Variants in SCMH1 observed in about 807,000 individuals in gnomAD.
SCMH1 encodes the protein Scm polycomb group protein homolog 1.
Under a neutral mutation model 70.8 loss-of-function variants are expected in SCMH1, and 37 were observed. The ratio of observed to expected loss-of-function variants is 0.52; its 90% CI spans 0.40 to 0.69. The LOEUF (loss-of-function observed/expected upper bound fraction) is 0.69. Ranked by LOEUF, SCMH1 falls within the 30% of genes least tolerant of loss-of-function variation. The pLI, the probability that SCMH1 is intolerant of heterozygous loss-of-function variation, is 0.00. For synonymous variants in SCMH1, 292 were observed against 307.4 expected, an observed-to-expected ratio of 0.95 and a Z score of 0.52; for missense variants, 607 against 827.3, an observed-to-expected ratio of 0.73 and a Z score of 3.27.
chr1:41,126,120 C>G (rs959425215), intron 6 of SCMH1, among the ~76,000 whole-genome samples: 10 of 152,146 alleles, frequency 6.6e-5, no homozygotes, highest in African/African-American at 2.4e-4. Context: ...ATATTAGAAT[C>G]TTATTTATTC....
chr1:41,064,906 C>T (rs1022703874), intron 10 of SCMH1, among the ~76,000 whole-genome samples: 1 of 151,440 alleles, frequency 6.6e-6, no homozygotes, highest in Non-Finnish European at 1.5e-5. Context: ...CACAGCAAGA[C>T]CCTATTTCAA....
At chr1:41,213,638 T>C (rs1187416192) in intron 1 of SCMH1, among the ~76,000 whole-genome samples, 2 of 152,182 alleles carry the variant, frequency 1.3e-5, no homozygotes, top group African/African-American at 4.8e-5. Context: ...CATTAGATCA[T>C]ACCCGCTTTG....
intron 1 of SCMH1, among the ~76,000 whole-genome samples, chr1:41,225,806 C>T (rs1660168366): frequency 6.6e-6 from 1 of 152,160 alleles, no homozygotes; most frequent in Non-Finnish European, 1.5e-5. Context: ...GCAAACTGGG[C>T]TGCAATCAGA....
At chr1:41,241,272 CG>C (rs1330383509) in intron 1 of SCMH1, among the ~76,000 whole-genome samples, 1 of 152,226 alleles carries the variant, frequency 6.6e-6, no homozygotes, top group African/African-American at 2.4e-5. Context: ...GGAGATATTC[CG>C]GGGTTCACCC....
At chr1:41,041,025 G>A (rs1017582226) in intron 12 of SCMH1, among the ~76,000 whole-genome samples, 1 of 152,102 alleles carries the variant, frequency 6.6e-6, no homozygotes, top group African/African-American at 2.4e-5. Context: ...ACCCTCATGT[G>A]TTGGGCTAGA....
intron 2 of SCMH1, among the ~76,000 whole-genome samples, chr1:41,185,282 A>G (rs908469043): frequency 3.9e-5 from 6 of 152,206 alleles, no homozygotes; most frequent in East Asian, 3.8e-4. Flanking sequence ...AGAGAGTTAC[A>G]TAAGTGTGAT....
At position 41,157,615 on chromosome 1, in the gene SCMH1, G is replaced by C. The variant is rs1007692569; in HGVS notation, c.106+3260C>G. On this transcript the variant is annotated intron_variant, in intron 4 of 14. Transcript: ENST00000337495. ...CAGGCAGATATCCTGATATGAGAAA[G>C]GTCTGGATTTGGGAGGCTTCACAGA... Among the ~76,000 whole-genome samples, 54 of 152,188 alleles carry C rather than the reference G, an allele frequency of 3.5e-4. 1 individual carries two copies. Among genetic ancestry groups the C allele is most frequent in the Non-Finnish European group, 2.9e-5 (2 of 68,024 alleles).
At chr1:41,047,834 T>C (rs1453775664) in intron 11 of SCMH1, among the ~76,000 whole-genome samples, 2 of 152,254 alleles carry the variant, frequency 1.3e-5, no homozygotes, top group African/African-American at 4.8e-5. Flanking sequence ...GTTAGCTATG[T>C]ATATTCTTTC....
chr1:41,029,102 T>C (rs1166771103), intron 13 of SCMH1, among the ~76,000 whole-genome samples: 1 of 152,172 alleles, frequency 6.6e-6, no homozygotes, highest in East Asian at 1.9e-4. Context: ...GGTAGCCTGG[T>C]AAGATTAGAG....
At chr1:41,126,566 T>C (rs1673224286) in intron 6 of SCMH1, among the ~76,000 whole-genome samples, 2 of 152,168 alleles carry the variant, frequency 1.3e-5, no homozygotes, top group African/African-American at 2.4e-5. Context: ...CAAAAATAAA[T>C]TTAAAATGCA....
intron 4 of SCMH1, among the ~76,000 whole-genome samples, chr1:41,156,001 A>C (rs2148378858): frequency 6.6e-6 from 1 of 151,992 alleles, no homozygotes; most frequent in East Asian, 1.9e-4. Flanking sequence ...AAAAAAAAAA[A>C]AAAAAAGCTG....
intron 1 of SCMH1, among the ~76,000 whole-genome samples, chr1:41,204,652 ACCT>A (rs1459284631): frequency 6.6e-6 from 1 of 152,040 alleles, no homozygotes; most frequent in Non-Finnish European, 1.5e-5. Flanking sequence ...CTTAAATGTC[ACCT>A]CCTCAGAGAA....
chr1:41,171,495 C>T (rs990843033), intron 2 of SCMH1, among the ~76,000 whole-genome samples: 30 of 151,776 alleles, frequency 2.0e-4, no homozygotes, highest in African/African-American at 5.8e-4. Flanking sequence ...TATGGAATGG[C>T]CTTGTGGTAA....
intron 10 of SCMH1, among the ~76,000 whole-genome samples, chr1:41,060,378 G>A (rs1209081755): frequency 6.6e-6 from 1 of 151,678 alleles, no homozygotes; most frequent in Non-Finnish European, 1.5e-5. Context: ...CAAGAAGAGA[G>A]TGAAATATTT....
intron 9 of SCMH1, among the ~76,000 whole-genome samples, 154 bp from the exon 10 acceptor site, chr1:41,070,875 C>T (rs1329591713): frequency 1.3e-5 from 2 of 152,132 alleles, no homozygotes; most frequent in Non-Finnish European, 2.9e-5. Context: ...TAAAGCTATA[C>T]ATATACCTGT....
At chr1:41,138,019 T>C (rs1333367109) in intron 6 of SCMH1, among the ~76,000 whole-genome samples, 3 of 152,228 alleles carry the variant, frequency 2.0e-5, no homozygotes, top group African/African-American at 7.2e-5. Context: ...CCTTGCTTTG[T>C]TTTTGTCTTA....
At chr1:41,161,418 C>T (rs1278689596) in exon 3 of SCMH1, 3 of 1,550,288 alleles carry the variant, frequency 1.9e-6, no homozygotes, top group African/African-American at 1.4e-5. Flanking sequence ...TTTCTAACAT[C>T]ACTCCAGTCT....
At chr1:41,237,086 C>T (rs1288123119) in intron 1 of SCMH1, among the ~76,000 whole-genome samples, 1 of 152,208 alleles carries the variant, frequency 6.6e-6, no homozygotes, top group African/African-American at 2.4e-5. Flanking sequence ...TTAAACCTTA[C>T]AGCTACATCT....
intron 10 of SCMH1, among the ~76,000 whole-genome samples, chr1:41,056,739 G>A (rs1306219849): frequency 6.6e-6 from 1 of 152,234 alleles, no homozygotes; most frequent in African/African-American, 2.4e-5. Flanking sequence ...TGACTTGTCA[G>A]AGGCTCAGTG....
Sources: gnomAD v4.1 joint callset for allele counts (sites outside exome capture counted in the v4.1 genomes callset) on GRCh38, gnomAD v4.1.1 for gene constraint, MANE v1.5 for transcripts, NCBI Gene and HGNC (gene_info 2026-07-23, HGNC 2026-07-21) for gene names.